The following DISP3 variants were observed in gnomAD, a reference collection of about 807,000 sequenced individuals.
The protein encoded by DISP3 is dispatched RND transporter family member 3.
A neutral mutation model predicts 135.3 loss-of-function variants in DISP3; 101 were observed. The ratio of observed to expected loss-of-function variants is 0.75; its 90% CI spans 0.64 to 0.88. DISP3 has a LOEUF of 0.88. Among genes scored for constraint, DISP3 ranks in the 40% least tolerant of loss-of-function variants. The probability of loss-of-function intolerance (pLI) is 0.00; values close to 1 mark genes in which losing one functional copy is unlikely to be tolerated. For missense variants in DISP3, 1,713 were observed against 1,878.6 expected, an observed-to-expected ratio of 0.91 and a Z score of 1.63; for synonymous variants, 856 against 817.0, an observed-to-expected ratio of 1.05 and a Z score of -0.81.
chr1:11,528,844 C>T (rs750923380), intron 13 of DISP3, among the ~76,000 whole-genome samples: 6 of 152,244 alleles, frequency 3.9e-5, no homozygotes, highest in Non-Finnish European at 8.8e-5. Flanking sequence ...CAAACACCCA[C>T]AGGAGCCTGA....
At chr1:11,494,456 G>A (rs1459511097) in intron 1 of DISP3, among the ~76,000 whole-genome samples, 1 of 152,206 alleles carries the variant, frequency 6.6e-6, no homozygotes, top group Non-Finnish European at 1.5e-5. Context: ...AGGTCTCGGG[G>A]AAAGGTTTGG....
Position 11,534,994 on chromosome 1 carries a change from C to G in DISP3, c.3536-17C>G. ...CGCCCACACAGCAGCGCACTGAGGC[C>G]CTGTCCTCCCTTGCAGGGGTGCAGA... On this transcript the variant is annotated splice_polypyrimidine_tract_variant and intron_variant, in intron 18 of 20. Coordinates refer to ENST00000294484, the MANE Select transcript of DISP3 (RefSeq NM_020780.2). 6.4e-7 allele frequency: 1 copy of G among 1,559,768 alleles called. No individual in the cohort carries two copies. Among genetic ancestry groups the G allele is most frequent in the Admixed American group, 1.9e-5 (1 of 52,772 alleles).
Position 11,516,276 on chromosome 1 carries a change from G to A in DISP3, c.1749+115G>A. On this transcript the variant is annotated intron_variant, in intron 6 of 20. Transcript: ENST00000294484. This position sits in a 1 kb window ranked among gnomAD's most constrained non-coding sequence, Gnocchi z 5.1. ...GTGGCCATATAGCCTTCACCTCAAG[G>A]TACTTGCCCTGGCTCTAGAGTTCAT... 7.8e-7 allele frequency: 1 copy of A among 1,279,684 alleles called. No homozygotes were observed. The highest frequency in any genetic ancestry group is 2.4e-5 in the East Asian group (1 of 41,760). 79.3% of individuals were successfully genotyped at this position (1,279,684 alleles called of 1,614,324 possible). A position where few individuals can be genotyped will look rare whatever the true frequency, so the allele number is the denominator to read the frequency against.
At chr1:11,522,305 C>T (rs1444106591) in intron 10 of DISP3, among the ~76,000 whole-genome samples, 1 of 152,138 alleles carries the variant, frequency 6.6e-6, no homozygotes, top group Non-Finnish European at 1.5e-5. Context: ...CTGAGATCAA[C>T]CTGGCCTTCC....
At position 11,499,396 on chromosome 1, in the gene DISP3, C is replaced by G. The variant is rs567351680; in HGVS notation, c.-3-1594C>G. Among the ~76,000 whole-genome samples, 4 of 152,308 alleles carry G rather than the reference C, an allele frequency of 2.6e-5. 1 individual carries two copies. The South Asian group carries it at 8.3e-4, about 32-fold the overall frequency. On this transcript the variant is annotated intron_variant, in intron 1 of 20. Transcript: ENST00000294484. This position sits in a 1 kb window ranked among gnomAD's most constrained non-coding sequence, Gnocchi z 5.2. Reference sequence around the variant, plus strand: ...AGGCTCCCACACTCACCTCCACATGCAGACTTGGTTTTTCCCTTTGGAGAT... The same window carrying G: ...AGGCTCCCACACTCACCTCCACATGGAGACTTGGTTTTTCCCTTTGGAGAT...
At position 11,515,481 on chromosome 1, in the gene DISP3, C is replaced by G. The variant is rs755065607; in HGVS notation, c.1566C>G (p.Ala522=). ...IQYLGILNGV[A]AFVIVGIGVD... ...ACTTGGGCATCCTGAATGGGGTGGCCGCCTTCGTGATCGTGGGCATTGGTG... is the reference window on the plus strand; with the variant it reads ...ACTTGGGCATCCTGAATGGGGTGGCGGCCTTCGTGATCGTGGGCATTGGTG... Residue 522 remains alanine, a synonymous_variant, in exon 5 of 21, where the codon GCC becomes GCG. Coordinates refer to ENST00000294484, the MANE Select transcript of DISP3 (RefSeq NM_020780.2). The G allele has an allele frequency of 1.2e-6, 2 of 1,610,112 alleles. No individual in the cohort carries two copies. The highest frequency in any genetic ancestry group is 2.7e-5 in the African/African-American group (2 of 74,828).
rs117222815 is a variant in DISP3, at chr1:11,506,027, A to G, written c.1316+3130A>G. ...TTGAAGCATATTTTTGCTGGTATAG[A>G]ATTATAAATTGGCACTTATTTTCTT... On this transcript the variant is annotated intron_variant, in intron 3 of 20. Transcript: ENST00000294484. Among the ~76,000 whole-genome samples, 86 of 152,314 alleles carry G rather than the reference A, an allele frequency of 5.6e-4. 2 individuals are homozygous for G. The East Asian group carries it at 0.016, about 28-fold the overall frequency.
Position 11,529,525 on chromosome 1 carries a change from G to A in DISP3, c.2799-31G>A, listed in dbSNP as rs202163955. On this transcript the variant is annotated intron_variant, in intron 13 of 20. Transcript: ENST00000294484. The surrounding 1 kb of genome is among the most constrained non-coding windows in gnomAD (Gnocchi z 4.7). ...TCCCCTGACTCCTCCTAGCCTTTCC[G>A]GCCTCAGCCCAGCCTCCATTCCCTC... The A allele has an allele frequency of 4.2e-5, 65 of 1,532,240 alleles. 1 individual carries two copies. Among genetic ancestry groups the A allele is most frequent in the African/African-American group, 1.2e-4 (9 of 72,306 alleles). 94.9% of individuals were successfully genotyped at this position (1,532,240 alleles called of 1,614,324 possible). A position where few individuals can be genotyped will look rare whatever the true frequency, so the allele number is the denominator to read the frequency against.
intron 1 of DISP3, among the ~76,000 whole-genome samples, chr1:11,492,565 C>T (rs776257000): frequency 1.3e-5 from 2 of 152,210 alleles, no homozygotes; most frequent in African/African-American, 2.4e-5. Flanking sequence ...TCCCCACCCC[C>T]ACCTGGGCTT....
chr1:11,517,703 C>T, intron 7 of DISP3, 101 bp downstream of exon 7: 1 of 1,418,992 alleles, frequency 7.0e-7, no homozygotes, highest in Non-Finnish European at 9.6e-7. Flanking sequence ...TCTGTATGAC[C>T]AGTCCTTTGC....
Position 11,531,422 on chromosome 1 carries a change from G to C in DISP3, c.3230-143G>C. The C allele has an allele frequency of 8.2e-7, 1 of 1,212,726 alleles. No homozygotes were observed. The highest frequency in any genetic ancestry group is 2.5e-4 in the Middle Eastern group (1 of 4,014). The allele number at this position is 1,212,726 out of a possible 1,614,324, so 75.1% of individuals were successfully genotyped here. On this transcript the variant is annotated intron_variant, in intron 16 of 20. Transcript: ENST00000294484. This position sits in a 1 kb window ranked among gnomAD's most constrained non-coding sequence, Gnocchi z 5.2. ...TGTTCCACCCCGATGGCAAATGCAT[G>C]TTGTAGGTTTCCCAATGCCGTTGCC...
At chr1:11,534,654 G>C (rs1642660587) in intron 18 of DISP3, 114 bp downstream of exon 18, 3 of 1,383,624 alleles carry the variant, frequency 2.2e-6, no homozygotes, top group South Asian at 2.9e-5. Context: ...AGAGCCCTGA[G>C]GAAACCGGGT....
At chr1:11,482,963 T>C (rs987328755) in intron 1 of DISP3, among the ~76,000 whole-genome samples, 1 of 152,224 alleles carries the variant, frequency 6.6e-6, no homozygotes, top group African/African-American at 2.4e-5. Flanking sequence ...GAGAGCAGTG[T>C]CGGCCCAAAA....
Position 11,501,643 on chromosome 1 carries a change from G to A in DISP3, c.651G>A (p.Gln217=), listed in dbSNP as rs991958973. ...TPPLEDLAAN[Q]SEDPRNQRLS... is the part of the protein sequence containing the mutation. The stretch of plus-strand genomic sequence containing the variant: ...CCCTGGAGGATCTGGCAGCCAACCA[G>A]AGTGAAGACCCGCGAAACCAGCGGC... The change falls in exon 2 of 21, where the codon CAG becomes CAA. Residue 217 remains glutamine (Q), a synonymous_variant. Coordinates refer to ENST00000294484, the MANE Select transcript of DISP3 (RefSeq NM_020780.2). This position sits in a 1 kb window ranked among gnomAD's most constrained non-coding sequence, Gnocchi z 4.9. 23 of 1,609,586 alleles carry A rather than the reference G, an allele frequency of 1.4e-5. No individual in the cohort carries two copies. The highest frequency in any genetic ancestry group is 2.0e-5 in the Non-Finnish European group (23 of 1,178,566).
At chr1:11,525,067 G>A (rs1642373040) in intron 11 of DISP3, 109 bp from the exon 12 acceptor site, 1 of 1,379,520 alleles carries the variant, frequency 7.2e-7, no homozygotes, top group East Asian at 2.3e-5. Context: ...TGAGCCCAAG[G>A]CCAGGACTGA....
In DISP3 at chr1:11,527,109, A is replaced by T. The variant is rs369276835; in HGVS notation, c.2798+274A>T. 2.1e-4 allele frequency among the ~76,000 whole-genome samples: 32 copies of T among 152,036 alleles called. 1 individual carries two copies. The South Asian group carries it at 6.2e-3, about 30-fold the overall frequency. On this transcript the variant is annotated intron_variant, in intron 13 of 20. Transcript: ENST00000294484. ...CCACTGGTACCTGCTTAATTTTTGT[A>T]TTTTTAGTAGAGATGGGGTTTTGCC...
Position 11,535,581 on chromosome 1 carries a change from C to T in DISP3, c.3753C>T (p.Tyr1251=). The T allele has an allele frequency of 6.2e-7, 1 of 1,613,466 alleles. No homozygotes were observed. The highest frequency in any genetic ancestry group is 8.5e-7 in the Non-Finnish European group (1 of 1,179,916). Reference sequence around the variant, plus strand: ...TCCTCGTTGGCTCCTCCGTGGATTACTGCGTCCACCTGGTCGAGGGCTACC... The same window carrying T: ...TCCTCGTTGGCTCCTCCGTGGATTATTGCGTCCACCTGGTCGAGGGCTACC... ...LSILVGSSVD[Y]CVHLVEGYLL... The change falls in exon 20 of 21, where the codon TAC becomes TAT. Residue 1251 remains tyrosine (Y), a synonymous_variant. Coordinates refer to ENST00000294484, the MANE Select transcript of DISP3 (RefSeq NM_020780.2).
intron 3 of DISP3, 68 bp from the exon 4 acceptor site, chr1:11,514,322 T>C: frequency 1.3e-6 from 2 of 1,508,894 alleles, no homozygotes; most frequent in South Asian, 1.1e-5. Context: ...CTCTACATGT[T>C]CACATGTTCA....
chr1:11,535,660 G>T lies in DISP3; in HGVS notation c.3816+16G>T, dbSNP rs376570434. 1 of 1,603,530 alleles carries T rather than the reference G, an allele frequency of 6.2e-7. No homozygotes were observed. On this transcript the variant is annotated intron_variant, in intron 20 of 20. Coordinates refer to ENST00000294484, the MANE Select transcript of DISP3 (RefSeq NM_020780.2). ...CCAGGCCGAGGTGCGCACCCTGCCCGCCTTACCCACTTCCCACCACATTGG... is the reference window on the plus strand; with the variant it reads ...CCAGGCCGAGGTGCGCACCCTGCCCTCCTTACCCACTTCCCACCACATTGG...
Sources: allele counts gnomAD v4.1 joint callset (sites outside exome capture counted in the v4.1 genomes callset), GRCh38; gene constraint gnomAD v4.1.1; non-coding constraint Gnocchi (gnomAD v3.1); transcripts MANE v1.5; gene names NCBI Gene and HGNC (gene_info 2026-07-23, HGNC 2026-07-21).